The following SLCO3A1 variants were observed in gnomAD, a reference collection of about 807,000 sequenced individuals.
SLCO3A1 encodes solute carrier organic anion transporter family member 3A1, also known as PGE1 transporter.
A neutral mutation model predicts 63.1 loss-of-function variants in SLCO3A1; 27 were observed. The observed-to-expected ratio is 0.43, with a 90% CI of 0.32 to 0.59. The LOEUF is 0.59. Among genes scored for constraint, SLCO3A1 ranks in the 20% least tolerant of loss-of-function variants. The pLI is 0.09. For synonymous variants in SLCO3A1, 473 were observed against 409.9 expected (o/e 1.15, Z -1.86); for missense variants, 773 against 945.8 (o/e 0.82, Z 2.40).
chr15:92,133,527 C>T (rs565455455), intron 7 of SLCO3A1, among the ~76,000 whole-genome samples: 2 of 145,608 alleles, frequency 1.4e-5, no homozygotes, highest in South Asian at 4.3e-4. Flanking sequence ...TAGCCGCTCC[C>T]CATCGCTCAC....
At chr15:92,145,508 C>G (rs2048210294) in intron 7 of SLCO3A1, among the ~76,000 whole-genome samples, 1 of 152,142 alleles carries the variant, frequency 6.6e-6, no homozygotes, top group African/African-American at 2.4e-5. Context: ...GTTCTTGTCT[C>G]CTCCAGGAGG....
At chr15:92,012,668 T>C (rs2046381497) in intron 2 of SLCO3A1, among the ~76,000 whole-genome samples, 1 of 149,300 alleles carries the variant, frequency 6.7e-6, no homozygotes, top group African/African-American at 2.5e-5. Flanking sequence ...TTTGAGAGGC[T>C]GAGGTGGGCA....
At position 92,100,831 on chromosome 15, in the gene SLCO3A1, T is replaced by C. The variant is rs866579053; in HGVS notation, c.746-3448T>C. The stretch of plus-strand genomic sequence containing the variant: ...TTTCTTCTTTGTGCTACATCCAGTG[T>C]AGGTCAACAGGGACATTTCATTTAT... On this transcript the variant is annotated intron_variant, in intron 3 of 9. Transcript: ENST00000318445. Among the ~76,000 whole-genome samples, 8 of 152,228 alleles carry C rather than the reference T, an allele frequency of 5.3e-5. No individual in the cohort carries two copies. The South Asian group carries it at 6.2e-4, about 12-fold the overall frequency.
At chr15:92,028,273 G>C (rs940307100) in intron 2 of SLCO3A1, among the ~76,000 whole-genome samples, 1 of 152,096 alleles carries the variant, frequency 6.6e-6, no homozygotes, top group Non-Finnish European at 1.5e-5. Context: ...GGGGATGGTT[G>C]AGTCCAAATC....
downstream of SLCO3A1, among the ~76,000 whole-genome samples, chr15:92,168,786 G>A (rs1305637911): frequency 5.9e-5 from 9 of 152,166 alleles, no homozygotes; most frequent in Non-Finnish European, 1.0e-4. Context: ...GGTTAAAATT[G>A]AAGGCAACAT....
intron 1 of SLCO3A1, among the ~76,000 whole-genome samples, chr15:91,907,175 A>G (rs1001504911): frequency 3.3e-5 from 5 of 152,180 alleles, no homozygotes; most frequent in Admixed American, 3.3e-4. Context: ...GCAGAGACGG[A>G]GTCTTAAAGG....
chr15:91,873,908 CTTTG>C (rs975319000), intron 1 of SLCO3A1, among the ~76,000 whole-genome samples: 1 of 151,774 alleles, frequency 6.6e-6, no homozygotes, highest in Non-Finnish European at 1.5e-5. Flanking sequence ...GTGTCATTTC[CTTTG>C]TTTTTTTTCT....
chr15:92,024,495 C>T (rs547870285), intron 2 of SLCO3A1, among the ~76,000 whole-genome samples: 1 of 152,312 alleles, frequency 6.6e-6, no homozygotes, highest in South Asian at 2.1e-4. Context: ...ATTTATGCTA[C>T]CATGTATTGA....
chr15:92,119,388 CATT>C (rs761513139), intron 4 of SLCO3A1, among the ~76,000 whole-genome samples: 125 of 152,308 alleles, frequency 8.2e-4, no homozygotes, highest in Non-Finnish European at 1.6e-3. Flanking sequence ...CCGGCTCTGT[CATT>C]ATTTAAAGTG....
At chr15:91,873,559 CACACACAT>C (rs920320711) in intron 1 of SLCO3A1, among the ~76,000 whole-genome samples, 5 of 151,738 alleles carry the variant, frequency 3.3e-5, no homozygotes, top group African/African-American at 1.2e-4. Context: ...CACACACACA[CACACACAT>C]ACATACATAC....
Position 92,019,518 on chromosome 15 carries a change from G to T in SLCO3A1, c.647-75363G>T, listed in dbSNP as rs570024973. On this transcript the variant is annotated intron_variant, in intron 2 of 9. Transcript: ENST00000318445. ...CTGCCCTAGGCCCAGGAGAGCTGGT[G>T]GTGTTTAAGGTACGACACACGCTGG... Among the ~76,000 whole-genome samples the T allele has an allele frequency of 1.7e-3, 265 of 152,322 alleles. 1 individual carries two copies. Among genetic ancestry groups the T allele is most frequent in the African/African-American group, 5.9e-3 (247 of 41,564 alleles).
At position 92,010,541 on chromosome 15, in the gene SLCO3A1, T is replaced by C. The variant is rs529197114; in HGVS notation, c.647-84340T>C. On this transcript the variant is annotated intron_variant, in intron 2 of 9. Coordinates refer to ENST00000318445, the MANE Select transcript of SLCO3A1 (RefSeq NM_013272.4). Reference sequence around the variant, plus strand: ...GTGTTAGTATATAATAATAAATCCTTGTGCATTTTTATGTAATTATTAGAC... The same window carrying C: ...GTGTTAGTATATAATAATAAATCCTCGTGCATTTTTATGTAATTATTAGAC... Among the ~76,000 whole-genome samples the C allele has an allele frequency of 4.5e-4, 69 of 152,316 alleles. No individual in the cohort carries two copies. The South Asian group carries it at 0.014, about 31-fold the overall frequency.
At chr15:92,041,473 G>A (rs144444895) in intron 2 of SLCO3A1, among the ~76,000 whole-genome samples, 1 of 152,270 alleles carries the variant, frequency 6.6e-6, no homozygotes, top group East Asian at 1.9e-4. Flanking sequence ...ACTAAGTTAT[G>A]CAGTTTTTTT....
chr15:92,050,968 GTC>G (rs2046950022), intron 2 of SLCO3A1, among the ~76,000 whole-genome samples: 1 of 152,118 alleles, frequency 6.6e-6, no homozygotes, highest in African/African-American at 2.4e-5. Flanking sequence ...TAGTCTTCTT[GTC>G]TCTCAGGCCC....
chr15:92,105,504 A>G (rs2151546873), intron 4 of SLCO3A1, among the ~76,000 whole-genome samples: 1 of 152,284 alleles, frequency 6.6e-6, no homozygotes, highest in South Asian at 2.1e-4. Flanking sequence ...GCAGAGTGAG[A>G]ACCCCCCTCC....
chr15:92,093,063 C>G (rs1050142999), intron 2 of SLCO3A1, among the ~76,000 whole-genome samples: 1 of 152,176 alleles, frequency 6.6e-6, no homozygotes, highest in Non-Finnish European at 1.5e-5. Context: ...TCAGACATCT[C>G]CTATAAGCCC....
chr15:92,012,742 TAAAA>T (rs33945478), intron 2 of SLCO3A1, among the ~76,000 whole-genome samples: 27,840 of 126,602 alleles, frequency 0.22, 2,894 homozygotes, highest in Admixed American at 0.25. Context: ...GTCTCTAATT[TAAAA>T]AAAAAAAAAA....
At chr15:92,037,926 C>A (rs1324704799) in intron 2 of SLCO3A1, among the ~76,000 whole-genome samples, 1 of 152,298 alleles carries the variant, frequency 6.6e-6, no homozygotes, top group East Asian at 1.9e-4. Context: ...CTGTCCTTAT[C>A]CATGGCTGTT....
In SLCO3A1 at chr15:91,886,790, T is replaced by C. The variant is rs1385889886; in HGVS notation, c.181-29203T>C. On this transcript the variant is annotated intron_variant, in intron 1 of 9. Coordinates refer to ENST00000318445, the MANE Select transcript of SLCO3A1 (RefSeq NM_013272.4). The surrounding 1 kb of genome is among the most constrained non-coding windows in gnomAD (Gnocchi z 4.9). ...GTTGATTCTCTTTAAAAGTTGTGAATGTGAGTAATCATGGGTATTTAATGA... is the reference window on the plus strand; with the variant it reads ...GTTGATTCTCTTTAAAAGTTGTGAACGTGAGTAATCATGGGTATTTAATGA... Among the ~76,000 whole-genome samples the C allele has an allele frequency of 6.6e-6, 1 of 152,218 alleles. No individual in the cohort carries two copies. Among genetic ancestry groups the C allele is most frequent in the Admixed American group, 6.5e-5 (1 of 15,284 alleles).
Sources: allele counts gnomAD v4.1 joint callset (sites outside exome capture counted in the v4.1 genomes callset), GRCh38; gene constraint gnomAD v4.1.1; non-coding constraint Gnocchi (gnomAD v3.1); transcripts MANE v1.5; gene names NCBI Gene and HGNC (gene_info 2026-07-23, HGNC 2026-07-21).